LONP2: variants seen among roughly 807,000 people sequenced by gnomAD.
The protein encoded by LONP2 is lon protease homolog 2, peroxisomal.
LONP2 carries 60 observed loss-of-function variants against 85.6 expected under a neutral mutation model. The observed-to-expected ratio is 0.70, with a 90% CI of 0.57 to 0.87. The LOEUF is 0.87. Ranked by LOEUF, LONP2 falls within the 40% of genes least tolerant of loss-of-function variation. The pLI, the probability that LONP2 is intolerant of heterozygous loss-of-function variation, is 0.00. For synonymous variants in LONP2, 395 were observed against 389.7 expected (o/e 1.01, Z -0.16); for missense variants, 860 against 1,063.5 (o/e 0.81, Z 2.66).
rs1286714463 is a variant in LONP2, at chr16:48,296,067, C to T, written c.1436C>T (p.Ala479Val). The T allele has an allele frequency of 1.2e-6, 2 of 1,614,100 alleles. No homozygotes were observed. The highest frequency in any genetic ancestry group is 1.3e-5 in the African/African-American group (1 of 75,034). Reference protein sequence around the residue: ...HNFTDHYLNVAFDLSQVLFIA... With the variant: ...HNFTDHYLNVVFDLSQVLFIA... The stretch of plus-strand genomic sequence containing the variant: ...TTCACAGATCATTATCTAAATGTGG[C>T]CTTTGACCTTTCTCAAGTTCTTTTT... The change falls in exon 9 of 15, where the codon GCC becomes GTC. Residue 479 changes from alanine to valine, a missense_variant. Around this residue, in one of 3 missense-constraint regions of LONP2, gnomAD observed 743 missense variants for 917.3 expected, o/e 0.81. Transcript: ENST00000285737.
chr16:48,300,235 ACTTTT>A (rs747702491), intron 10 of LONP2, among the ~76,000 whole-genome samples: 9 of 152,200 alleles, frequency 5.9e-5, no homozygotes, highest in Non-Finnish European at 1.0e-4. Context: ...TAAGTTACTC[ACTTTT>A]CTTTTCTTCT....
intron 12 of LONP2, chr16:48,334,828 T>A: frequency 1.9e-6 from 1 of 526,794 alleles, no homozygotes; most frequent in African/African-American, 1.9e-5. Flanking sequence ...TGGTCTGGCC[T>A]GTGAGGGTCT....
downstream of LONP2, among the ~76,000 whole-genome samples, chr16:48,359,716 C>CAA (rs958414218): frequency 3.7e-5 from 5 of 133,908 alleles, no homozygotes; most frequent in African/African-American, 1.4e-4. Flanking sequence ...AACTCCGTCT[C>CAA]AAAAAAAAAA....
chr16:48,283,339 A>G (rs1479134302), intron 8 of LONP2, among the ~76,000 whole-genome samples: 2 of 152,230 alleles, frequency 1.3e-5, no homozygotes, highest in Non-Finnish European at 2.9e-5. Flanking sequence ...AAACAGCCTT[A>G]TTTTGTATTG....
intron 12 of LONP2, chr16:48,334,806 C>A: frequency 1.8e-6 from 1 of 553,416 alleles, no homozygotes; most frequent in Non-Finnish European, 3.6e-6. Flanking sequence ...CTGGGCTCGA[C>A]CTCAAGGGTG....
intron 1 of LONP2, among the ~76,000 whole-genome samples, chr16:48,246,444 C>T (rs566905976): frequency 1.5e-3 from 226 of 152,348 alleles, no homozygotes; most frequent in African/African-American, 5.1e-3. Flanking sequence ...CATTTTCTTT[C>T]TACTGTGCAT....
chr16:48,329,727 C>G (rs1959376627), intron 11 of LONP2, among the ~76,000 whole-genome samples: 1 of 152,152 alleles, frequency 6.6e-6, no homozygotes, highest in Non-Finnish European at 1.5e-5. Context: ...TTATATCCTC[C>G]CCTTTCCTCA....
At chr16:48,311,188 G>A (rs1302057799) in intron 11 of LONP2, among the ~76,000 whole-genome samples, 1 of 152,110 alleles carries the variant, frequency 6.6e-6, no homozygotes, top group East Asian at 1.9e-4. Context: ...GTATCTGGAT[G>A]TCTAGATCCT....
chr16:48,263,750 T>C (rs1486896316), intron 6 of LONP2, among the ~76,000 whole-genome samples: 3 of 152,242 alleles, frequency 2.0e-5, no homozygotes, highest in Non-Finnish European at 4.4e-5. Context: ...CATATGTAAG[T>C]TGTATTTGAA....
At chr16:48,286,979 T>G (rs1233627213) in intron 8 of LONP2, among the ~76,000 whole-genome samples, 1 of 152,186 alleles carries the variant, frequency 6.6e-6, no homozygotes, top group African/African-American at 2.4e-5. Context: ...TGTTGCTGTT[T>G]GTTTAGTGAC....
chr16:48,327,274 A>G (rs554022870), intron 11 of LONP2, among the ~76,000 whole-genome samples: 24 of 152,304 alleles, frequency 1.6e-4, no homozygotes, highest in African/African-American at 5.8e-4. Flanking sequence ...GCTGGGATAT[A>G]CCTCTGCATA....
intron 1 of LONP2, among the ~76,000 whole-genome samples, chr16:48,244,893 C>T (rs1476856843): frequency 6.6e-6 from 1 of 152,176 alleles, no homozygotes; most frequent in African/African-American, 2.4e-5. Context: ...TCCTCTTCCC[C>T]CTCTCCGCAA....
intron 5 of LONP2, 27 bp from the exon 6 acceptor site, chr16:48,262,749 CAT>C (rs778447076): frequency 7.1e-7 from 1 of 1,398,784 alleles, no homozygotes; most frequent in East Asian, 2.3e-5. Context: ...TGTTCTTGAA[CAT>C]GTTTGCTGTG....
intron 11 of LONP2, among the ~76,000 whole-genome samples, chr16:48,314,007 C>T (rs139660831): frequency 1.3e-5 from 2 of 152,228 alleles, no homozygotes; most frequent in Non-Finnish European, 1.5e-5. Flanking sequence ...TTCTGACTGG[C>T]GTGAGATGGT....
chr16:48,286,142 CT>C (rs112681466), intron 8 of LONP2, among the ~76,000 whole-genome samples: 1,718 of 137,318 alleles, frequency 0.013, 6 homozygotes, highest in Non-Finnish European at 0.017. Context: ...GATTTGTAAT[CT>C]TTTTTTTTTT....
chr16:48,315,400 G>A (rs566935287), intron 11 of LONP2, among the ~76,000 whole-genome samples: 1 of 152,286 alleles, frequency 6.6e-6, no homozygotes, highest in Non-Finnish European at 1.5e-5. Flanking sequence ...TCACAGTTCT[G>A]GAGGCTGAAG....
intron 14 of LONP2, 56 bp downstream of exon 14, chr16:48,348,346 A>G (rs1597005064): frequency 3.4e-6 from 4 of 1,173,574 alleles, no homozygotes; most frequent in Non-Finnish European, 4.5e-6. Context: ...TTGAAAATTA[A>G]TATTATTTTT....
chr16:48,248,088 T>C (rs1971504912), intron 1 of LONP2, among the ~76,000 whole-genome samples: 1 of 152,202 alleles, frequency 6.6e-6, no homozygotes, highest in Non-Finnish European at 1.5e-5. Context: ...AATTTATTTC[T>C]ATTACATTTT....
At chr16:48,253,053 A>G (rs1362560551) in intron 2 of LONP2, among the ~76,000 whole-genome samples, 1 of 152,246 alleles carries the variant, frequency 6.6e-6, no homozygotes, top group African/African-American at 2.4e-5. Context: ...TAAAAGTCAC[A>G]ATTATAAATA....
Sources: allele counts gnomAD v4.1 joint callset (sites outside exome capture counted in the v4.1 genomes callset), GRCh38; gene constraint gnomAD v4.1.1; regional missense constraint gnomAD v4.1.1; transcripts MANE v1.5; gene names NCBI Gene and HGNC (gene_info 2026-07-23, HGNC 2026-07-21).